Variants in HSPB8 observed in about 807,000 individuals in gnomAD.
The protein encoded by HSPB8 is heat shock protein family B (small) member 8, also known as heat shock protein beta-8.
A neutral mutation model predicts 16.5 loss-of-function variants in HSPB8; 9 were observed. That is an observed-to-expected ratio of 0.55 (90% CI 0.33 to 0.95). The LOEUF is 0.95. Ranked by LOEUF, HSPB8 falls within the 40% of genes least tolerant of loss-of-function variation. The pLI, the probability that HSPB8 is intolerant of heterozygous loss-of-function variation, is 0.03. For synonymous variants in HSPB8, 99 were observed against 94.8 expected, an observed-to-expected ratio of 1.04 and a Z score of -0.26; for missense variants, 238 against 251.2, an observed-to-expected ratio of 0.95 and a Z score of 0.35.
At chr12:119,191,023 G>A (rs1954709081) in intron 2 of HSPB8, among the ~76,000 whole-genome samples, 1 of 152,268 alleles carries the variant, frequency 6.6e-6, no homozygotes, top group African/African-American at 2.4e-5. Context: ...AGTAATATAA[G>A]AGCATTGTCA....
At position 119,194,167 on chromosome 12, in the gene HSPB8, G is replaced by A. The variant is rs1052289885; in HGVS notation, c.*309G>A. On this transcript the variant is annotated 3_prime_UTR_variant, in exon 3 of 3. Coordinates refer to ENST00000281938, the MANE Select transcript of HSPB8 (RefSeq NM_014365.3). ...CATAAAAGGGGACTTAACATTTCAC[G>A]TTGTATCTTACTTGCAGTGAATGCA... The A allele has an allele frequency of 3.5e-5, 14 of 404,458 alleles. No individual in the cohort carries two copies. Among genetic ancestry groups the A allele is most frequent in the East Asian group, 2.2e-4 (4 of 17,832 alleles). The allele number at this position is 404,458 out of a possible 1,614,324, so 25.1% of individuals were successfully genotyped here.
At chr12:119,193,635 G>A in intron 2 of HSPB8, 64 bp from the exon 3 acceptor site, 3 of 1,553,546 alleles carry the variant, frequency 1.9e-6, no homozygotes, top group East Asian at 2.2e-5. Flanking sequence ...CCTCTCAAGT[G>A]AATAAAAGAA....
At position 119,179,079 on chromosome 12, in the gene HSPB8, G is replaced by A. The variant is rs1954616007; in HGVS notation, c.-234G>A. 2 of 600,892 alleles carry A rather than the reference G, an allele frequency of 3.3e-6. No individual in the cohort carries two copies. The highest frequency in any genetic ancestry group is 2.6e-5 in the Admixed American group (1 of 38,178). 37.2% of individuals were successfully genotyped at this position (600,892 alleles called of 1,614,324 possible). Reference sequence around the variant, plus strand: ...TCTGTCGTGAGGCAGTGCGGACGGGGACCCTCTGGGATTCTGCTGGATCTG... The same window carrying A: ...TCTGTCGTGAGGCAGTGCGGACGGGAACCCTCTGGGATTCTGCTGGATCTG... On this transcript the variant is annotated 5_prime_UTR_variant, in exon 1 of 3. Coordinates refer to ENST00000281938, the MANE Select transcript of HSPB8 (RefSeq NM_014365.3).
rs888514749 is a variant in HSPB8, at chr12:119,179,577, C to T, written c.265C>T (p.Pro89Ser). ...FGVPAEGRTP[P>S]PFPGEPWKVC... ...GGTGCCTGCCGAGGGCAGGACCCCCCCACCCTTCCCTGGGGAGCCCTGGAA... is the reference window on the plus strand; with the variant it reads ...GGTGCCTGCCGAGGGCAGGACCCCCTCACCCTTCCCTGGGGAGCCCTGGAA... Residue 89 changes from proline (P) to serine (S), a missense_variant, in exon 1 of 3, where the codon CCA becomes TCA. Pro to Ser is a moderately conservative substitution (Grantham distance 74). Transcript: ENST00000281938. 3.1e-6 allele frequency: 5 copies of T among 1,612,214 alleles called. No homozygotes were observed. Among genetic ancestry groups the T allele is most frequent in the Non-Finnish European group, 3.4e-6 (4 of 1,178,892 alleles).
At chr12:119,187,317 G>T (rs1228985950) in intron 2 of HSPB8, among the ~76,000 whole-genome samples, 4 of 152,110 alleles carry the variant, frequency 2.6e-5, no homozygotes, top group African/African-American at 9.7e-5. Context: ...TCGGTGCCCT[G>T]TGAGGTGGGT....
intron 2 of HSPB8, among the ~76,000 whole-genome samples, chr12:119,193,280 C>T (rs979080627): frequency 1.1e-4 from 17 of 152,264 alleles, no homozygotes; most frequent in South Asian, 2.1e-4. Flanking sequence ...ACCTTACTTG[C>T]GCTCTATAAA....
chr12:119,193,665 A>G (rs371306093), intron 2 of HSPB8, 34 bp from the exon 3 acceptor site: 1 of 1,609,692 alleles, frequency 6.2e-7, no homozygotes. Flanking sequence ...AATATTAACA[A>G]CAATAAATGA....
At position 119,180,898 on chromosome 12, in the gene HSPB8, T is replaced by A. The variant is rs777651944; in HGVS notation, c.367+1219T>A. Among the ~76,000 whole-genome samples the A allele has an allele frequency of 9.9e-5, 15 of 151,924 alleles. No homozygotes were observed. The East Asian group carries it at 1.7e-3, about 18-fold the overall frequency. On this transcript the variant is annotated intron_variant, in intron 1 of 2. Transcript: ENST00000281938. ...TATAAACATCAGAGGCTCCAGCGGG[T>A]GTGGTGGGCTGGGAGACACGCTGGG... is the stretch of plus-strand genomic sequence containing the variant.
chr12:119,182,488 A>G (rs938059964), intron 1 of HSPB8, among the ~76,000 whole-genome samples: 1 of 151,874 alleles, frequency 6.6e-6, no homozygotes, highest in Non-Finnish European at 1.5e-5. Flanking sequence ...AAATACAAAA[A>G]TTAGCCGGGT....
At chr12:119,180,751 G>C (rs143104937) in intron 1 of HSPB8, among the ~76,000 whole-genome samples, 3 of 152,320 alleles carry the variant, frequency 2.0e-5, no homozygotes, top group African/African-American at 7.2e-5. Flanking sequence ...CCATTAAAAA[G>C]AATGTGTTCC....
At chr12:119,187,230 A>G in intron 2 of HSPB8, 142 bp downstream of exon 2, 1 of 712,538 alleles carries the variant, frequency 1.4e-6, no homozygotes. Flanking sequence ...CTCACACCTA[A>G]CGAGGAGAAA....
At chr12:119,182,555 T>C (rs1414431739) in intron 1 of HSPB8, among the ~76,000 whole-genome samples, 1 of 152,056 alleles carries the variant, frequency 6.6e-6, no homozygotes, top group Admixed American at 6.5e-5. Flanking sequence ...GGAGAATCGC[T>C]TGAACCTGGG....
intron 1 of HSPB8, 142 bp from the exon 2 acceptor site, chr12:119,186,883 G>A (rs1954679430): frequency 8.9e-6 from 7 of 782,208 alleles, no homozygotes; most frequent in Admixed American, 5.4e-5. Flanking sequence ...AGGTCCTTGA[G>A]GCTTAGATAA....
rs147945133 is a variant in HSPB8, at chr12:119,179,405, G to C, written c.93G>C (p.Leu31=). 7.4e-6 allele frequency: 12 copies of C among 1,613,960 alleles called. No individual in the cohort carries two copies. The African/African-American group carries it at 1.6e-4, about 22-fold the overall frequency. ...FRDSPLSSRL[L]DDGFGMDPFP... is the part of the protein sequence containing the mutation. The stretch of plus-strand genomic sequence containing the variant: ...ACTCTCCCCTCTCCTCTCGCCTGCT[G>C]GATGATGGCTTTGGCATGGACCCCT... The change falls in exon 1 of 3, where the codon CTG becomes CTC. Residue 31 remains leucine (L), a synonymous_variant. Transcript: ENST00000281938.
intron 2 of HSPB8, among the ~76,000 whole-genome samples, chr12:119,188,436 G>A (rs75302188): frequency 6.6e-6 from 1 of 151,726 alleles, no homozygotes; most frequent in Non-Finnish European, 1.5e-5. Context: ...TAGTAGAGAC[G>A]GGGTTTCACC....
At chr12:119,192,471 A>G (rs1954717893) in intron 2 of HSPB8, among the ~76,000 whole-genome samples, 1 of 152,144 alleles carries the variant, frequency 6.6e-6, no homozygotes, top group African/African-American at 2.4e-5. Flanking sequence ...CCTGGCCAAC[A>G]TGGTGAAACC....
At chr12:119,192,707 T>C (rs1053286489) in intron 2 of HSPB8, among the ~76,000 whole-genome samples, 5 of 152,094 alleles carry the variant, frequency 3.3e-5, no homozygotes, top group African/African-American at 9.7e-5. Flanking sequence ...GTGATTGTAT[T>C]AGTCTGTTTT....
intron 2 of HSPB8, among the ~76,000 whole-genome samples, chr12:119,192,587 C>T (rs1014285067): frequency 2.0e-5 from 3 of 151,914 alleles, no homozygotes; most frequent in South Asian, 2.1e-4. Context: ...CCTTGGGAGG[C>T]GGAACTTGCA....
chr12:119,186,479 C>A (rs1277880782), intron 1 of HSPB8, among the ~76,000 whole-genome samples: 2 of 152,092 alleles, frequency 1.3e-5, no homozygotes, highest in African/African-American at 2.4e-5. Flanking sequence ...GCTGGGCGAC[C>A]CTGGATCCAT....
Sources: gnomAD v4.1 joint callset for allele counts (sites outside exome capture counted in the v4.1 genomes callset) on GRCh38, gnomAD v4.1.1 for gene constraint, MANE v1.5 for transcripts, NCBI Gene and HGNC (gene_info 2026-07-23, HGNC 2026-07-21) for gene names.